The following MRAP2 variants were observed in gnomAD, a reference collection of about 807,000 sequenced individuals.
MRAP2 encodes melanocortin 2 receptor accessory protein 2, also known as melanocortin-2 receptor accessory protein 2.
In MRAP2, 20 loss-of-function variants were observed where a neutral mutation model predicts 17.4. The observed-to-expected ratio is 1.15, with a 90% CI of 0.81 to 1.67. The LOEUF (loss-of-function observed/expected upper bound fraction) is 1.67, where lower values mean the gene tolerates loss of function less well. Ranked by LOEUF, MRAP2 falls within the 40% of genes most tolerant of loss-of-function variation. MRAP2 has a pLI of 0.00. For synonymous variants in MRAP2, 96 were observed against 88.4 expected (o/e 1.09, Z -0.48); for missense variants, 238 against 240.0 (o/e 0.99, Z 0.05).
At chr6:84,041,070 CT>C (rs1242992443) in intron 1 of MRAP2, among the ~76,000 whole-genome samples, 2 of 152,216 alleles carry the variant, frequency 1.3e-5, no homozygotes, top group East Asian at 1.9e-4. Flanking sequence ...CAGGCCCCCC[CT>C]GCTGCGTGCA....
chr6:84,097,341 C>T, the MRAP2 span, among the ~76,000 whole-genome samples: 3 of 152,176 alleles, frequency 2.0e-5, no homozygotes, highest in Admixed American at 6.5e-5. Flanking sequence ...CACAAGCTTA[C>T]GATTGTGGCT....
intron 1 of MRAP2, among the ~76,000 whole-genome samples, chr6:84,034,428 G>A (rs113843218): frequency 0.012 from 1,838 of 152,040 alleles, 44 homozygotes; most frequent in African/African-American, 0.042. Context: ...CTCGCAGGTC[G>A]TGTTACTGAT....
the MRAP2 span, among the ~76,000 whole-genome samples, chr6:84,113,564 G>A: frequency 4.6e-5 from 7 of 152,086 alleles, no homozygotes; most frequent in Admixed American, 4.6e-4. Context: ...TCTTTTAATT[G>A]GGGCATTTAG....
chr6:84,135,329 C>T, the MRAP2 span, among the ~76,000 whole-genome samples: 1 of 152,076 alleles, frequency 6.6e-6, no homozygotes. Context: ...GTGATTCACC[C>T]AGATGATGTC....
At chr6:84,104,025 T>C in the MRAP2 span, among the ~76,000 whole-genome samples, 694 of 152,322 alleles carry the variant, frequency 4.6e-3, 8 homozygotes, top group African/African-American at 0.016. Flanking sequence ...TCCTATAGAT[T>C]TCCCCTCAAA....
chr6:84,078,480 C>T (rs2099498158), intron 3 of MRAP2, among the ~76,000 whole-genome samples: 1 of 152,182 alleles, frequency 6.6e-6, no homozygotes, highest in African/African-American at 2.4e-5. Context: ...TGATTGACAA[C>T]ACCAAATGTT....
At chr6:84,046,699 T>A (rs1378723382) in intron 1 of MRAP2, among the ~76,000 whole-genome samples, 1 of 144,662 alleles carries the variant, frequency 6.9e-6, no homozygotes, top group Non-Finnish European at 1.5e-5. Flanking sequence ...AAGAATCACT[T>A]GAACCCAGGA....
At chr6:84,061,206 T>C (rs2099493080) in intron 2 of MRAP2, among the ~76,000 whole-genome samples, 1 of 152,246 alleles carries the variant, frequency 6.6e-6, no homozygotes, top group African/African-American at 2.4e-5. Context: ...GAAAAAGTGC[T>C]ACATATACAT....
the MRAP2 span, among the ~76,000 whole-genome samples, chr6:84,119,519 C>T: frequency 6.6e-6 from 1 of 152,146 alleles, no homozygotes; most frequent in Non-Finnish European, 1.5e-5. Flanking sequence ...TCTCTCAGGG[C>T]ACACTAGAAG....
At chr6:84,120,289 C>A in the MRAP2 span, among the ~76,000 whole-genome samples, 1 of 152,170 alleles carries the variant, frequency 6.6e-6, no homozygotes, top group Non-Finnish European at 1.5e-5. Flanking sequence ...TCTACTGATT[C>A]AAATGCCAAT....
rs187827695 is a variant in MRAP2 at position 84,058,601 on chromosome 6, C to T, written c.127+3156C>T. Among the ~76,000 whole-genome samples, 301 of 152,162 alleles carry T rather than the reference C, an allele frequency of 2.0e-3. 2 individuals carry two copies. The highest frequency in any genetic ancestry group is 6.5e-3 in the African/African-American group (272 of 41,528). Reference sequence around the variant, plus strand: ...GACTTGAGAGTCATCAGCATGTAAACGGTATGCGTTCAAAGCCAAGAGGCT... The same window carrying T: ...GACTTGAGAGTCATCAGCATGTAAATGGTATGCGTTCAAAGCCAAGAGGCT... On this transcript the variant is annotated intron_variant, in intron 2 of 3. Coordinates refer to ENST00000257776, the MANE Select transcript of MRAP2 (RefSeq NM_138409.4).
chr6:84,060,852 ATTTTTT>A (rs771171189), intron 2 of MRAP2, among the ~76,000 whole-genome samples: 79 of 119,528 alleles, frequency 6.6e-4, no homozygotes, highest in African/African-American at 2.6e-3. Context: ...CACCCGGCTA[ATTTTTT>A]TTTTTTTTTT....
At chr6:84,086,374 C>A (rs1478203285) in intron 3 of MRAP2, among the ~76,000 whole-genome samples, 1 of 152,130 alleles carries the variant, frequency 6.6e-6, no homozygotes, top group African/African-American at 2.4e-5. Flanking sequence ...ATGGTTTTTG[C>A]CATCTTTCAT....
chr6:84,087,619 CAAAG>C (rs1319121513), intron 3 of MRAP2, among the ~76,000 whole-genome samples: 3 of 152,168 alleles, frequency 2.0e-5, no homozygotes, highest in Admixed American at 1.3e-4. Flanking sequence ...TACAGAAAGA[CAAAG>C]AAGACCATGT....
chr6:84,050,537 G>T (rs940890773), intron 1 of MRAP2, among the ~76,000 whole-genome samples: 9 of 152,186 alleles, frequency 5.9e-5, no homozygotes, highest in African/African-American at 2.2e-4. Flanking sequence ...CTAAAGTTGC[G>T]ATTCTGAAGT....
downstream of MRAP2, among the ~76,000 whole-genome samples, chr6:84,091,239 CTTTTTTT>C (rs34508361): frequency 9.3e-6 from 1 of 108,066 alleles, no homozygotes; most frequent in Non-Finnish European, 1.8e-5. Flanking sequence ...AGTTTGTTAA[CTTTTTTT>C]TTTTTTTTTT....
At chr6:84,046,780 CAAAAAAAAAAAA>C (rs756963425) in intron 1 of MRAP2, among the ~76,000 whole-genome samples, 5 of 23,150 alleles carry the variant, frequency 2.2e-4, no homozygotes, top group African/African-American at 2.8e-4. Flanking sequence ...AACTCCATCT[CAAAAAAAAAAAA>C]AAAAAAAAAA....
At chr6:84,119,086 T>C in the MRAP2 span, among the ~76,000 whole-genome samples, 3 of 152,224 alleles carry the variant, frequency 2.0e-5, no homozygotes, top group Non-Finnish European at 2.9e-5. Context: ...TACTGTACTT[T>C]TGTAGTATAT....
chr6:84,060,430 AGGAG>A (rs2099492812), intron 2 of MRAP2, among the ~76,000 whole-genome samples: 1 of 152,214 alleles, frequency 6.6e-6, no homozygotes, highest in Non-Finnish European at 1.5e-5. Context: ...AGCTGTCCTT[AGGAG>A]AACACCTTCC....
Sources: gnomAD v4.1 joint callset for allele counts (sites outside exome capture counted in the v4.1 genomes callset) on GRCh38, gnomAD v4.1.1 for gene constraint, MANE v1.5 for transcripts, NCBI Gene and HGNC (gene_info 2026-07-23, HGNC 2026-07-21) for gene names.